Variants in NDST4 observed in about 807,000 individuals in gnomAD.
NDST4 encodes the protein N-heparan sulfate sulfotransferase 4.
NDST4 carries 63 observed loss-of-function variants against 100.8 expected under a neutral mutation model. The observed-to-expected ratio is 0.62, with a 90% confidence interval of 0.51 to 0.77. The LOEUF is 0.77. Among genes scored for constraint, NDST4 ranks in the 30% least tolerant of loss-of-function variants. The probability of loss-of-function intolerance (pLI) is 0.00; values close to 1 mark genes in which losing one functional copy is unlikely to be tolerated. For missense variants in NDST4, 943 were observed against 1,018.4 expected (o/e 0.93, Z 1.01); for synonymous variants, 377 against 361.8 (o/e 1.04, Z -0.48).
At chr4:114,962,735 C>T (rs972251305) in intron 4 of NDST4, among the ~76,000 whole-genome samples, 1 of 152,004 alleles carries the variant, frequency 6.6e-6, no homozygotes, top group Non-Finnish European at 1.5e-5. Context: ...CTGTATTTCC[C>T]AAATTGAGTT....
chr4:115,042,050 C>A (rs561051310), intron 2 of NDST4, among the ~76,000 whole-genome samples: 216 of 152,178 alleles, frequency 1.4e-3, no homozygotes, highest in African/African-American at 2.9e-3. Flanking sequence ...TAGCCCCACC[C>A]TTAATATGGT....
At chr4:114,834,419 C>G (rs951213261) in intron 11 of NDST4, among the ~76,000 whole-genome samples, 2 of 146,720 alleles carry the variant, frequency 1.4e-5, no homozygotes, top group East Asian at 2.0e-4. Context: ...GAGGCTGAGA[C>G]AGGAGCATTG....
At chr4:115,073,148 T>C (rs529985058) in intron 2 of NDST4, among the ~76,000 whole-genome samples, 256 of 152,074 alleles carry the variant, frequency 1.7e-3, no homozygotes, top group African/African-American at 5.8e-3. Flanking sequence ...ATGGCTGTTA[T>C]CAAAAGGACA....
At chr4:114,984,160 A>G (rs1233530870) in intron 2 of NDST4, among the ~76,000 whole-genome samples, 1 of 148,384 alleles carries the variant, frequency 6.7e-6, no homozygotes, top group Non-Finnish European at 1.5e-5. Context: ...TTATTTATTT[A>G]TTTATTTATT....
chr4:115,078,136 G>A (rs1729228737), intron 1 of NDST4, among the ~76,000 whole-genome samples: 1 of 152,106 alleles, frequency 6.6e-6, no homozygotes, highest in African/African-American at 2.4e-5. Flanking sequence ...AAAAACACCT[G>A]AGACTGGAAA....
At chr4:115,044,552 A>C (rs774091758) in intron 2 of NDST4, among the ~76,000 whole-genome samples, 2 of 152,140 alleles carry the variant, frequency 1.3e-5, no homozygotes, top group African/African-American at 2.4e-5. Context: ...ATTCCAGGTC[A>C]TTTATAACTA....
chr4:114,924,114 A>G (rs1458830261), intron 6 of NDST4, among the ~76,000 whole-genome samples: 2 of 152,082 alleles, frequency 1.3e-5, no homozygotes, highest in East Asian at 1.9e-4. Context: ...GGAGGCAAAC[A>G]TATTTTGGTC....
intron 5 of NDST4, among the ~76,000 whole-genome samples, chr4:114,936,486 A>G (rs1298050356): frequency 6.6e-6 from 1 of 152,242 alleles, no homozygotes; most frequent in Non-Finnish European, 1.5e-5. Flanking sequence ...CAGCAATATG[A>G]ATAATGAATT....
intron 2 of NDST4, among the ~76,000 whole-genome samples, chr4:115,054,464 G>T (rs1232104132): frequency 6.6e-6 from 1 of 152,042 alleles, no homozygotes; most frequent in Non-Finnish European, 1.5e-5. Context: ...GATACAATAA[G>T]AAATTTTATG....
chr4:114,909,665 G>A (rs1243477233), intron 6 of NDST4, among the ~76,000 whole-genome samples: 31 of 82,298 alleles, frequency 3.8e-4, no homozygotes, highest in East Asian at 2.5e-3. Flanking sequence ...GCGAGACTCC[G>A]TCTCAAAAAA....
chr4:115,037,604 TTTTC>T (rs2126272564), intron 2 of NDST4, among the ~76,000 whole-genome samples: 2 of 152,222 alleles, frequency 1.3e-5, no homozygotes, highest in East Asian at 3.9e-4. Context: ...GATCAAGGAC[TTTTC>T]TTTATGTATT....
intron 1 of NDST4, among the ~76,000 whole-genome samples, chr4:115,095,899 A>G (rs569330378): frequency 5.3e-5 from 8 of 152,142 alleles, no homozygotes; most frequent in South Asian, 2.1e-4. Context: ...GTGCTATCCA[A>G]TCACAATCTT....
At chr4:115,095,451 A>G (rs1407018128) in intron 1 of NDST4, among the ~76,000 whole-genome samples, 2 of 152,084 alleles carry the variant, frequency 1.3e-5, no homozygotes, top group African/African-American at 2.4e-5. Context: ...TCTCTGGTAT[A>G]TGTTTTCTCT....
In NDST4 at chr4:114,921,468, C is replaced by A. The variant is rs1467635785; in HGVS notation, c.1536+13738G>T. On this transcript the variant is annotated intron_variant, in intron 6 of 13. Coordinates refer to ENST00000264363, the MANE Select transcript of NDST4 (RefSeq NM_022569.3). ...AAGCAAAATTCAAGCTGTAAATAAACCCAGCACTCATGGGCTTCTAATACA... is the reference window on the plus strand; with the variant it reads ...AAGCAAAATTCAAGCTGTAAATAAAACCAGCACTCATGGGCTTCTAATACA... Among the ~76,000 whole-genome samples the A allele has an allele frequency of 3.9e-5, 6 of 152,220 alleles. No individual in the cohort carries two copies. In the South Asian group the frequency reaches 1.0e-3, roughly 26 times the overall value.
chr4:115,030,017 T>C (rs1728081333), intron 2 of NDST4, among the ~76,000 whole-genome samples: 1 of 151,468 alleles, frequency 6.6e-6, no homozygotes, highest in Non-Finnish European at 1.5e-5. Context: ...AGTCAATATA[T>C]TTTACCTTAT....
At chr4:114,921,845 C>T (rs533415324) in intron 6 of NDST4, among the ~76,000 whole-genome samples, 2 of 152,180 alleles carry the variant, frequency 1.3e-5, no homozygotes, top group African/African-American at 4.8e-5. Flanking sequence ...CTTCATTTCC[C>T]CTTTTCCCTG....
At chr4:114,872,582 GAATGTGGCTTT>G (rs1329120692) in intron 6 of NDST4, among the ~76,000 whole-genome samples, 21 of 151,972 alleles carry the variant, frequency 1.4e-4, no homozygotes, top group African/African-American at 4.3e-4. Context: ...GTAGAGAAGA[GAATGTGGCTTT>G]AATGTCTCTA....
In NDST4 at chr4:115,030,936, C is replaced by A. The variant is rs531837644; in HGVS notation, c.978+45123G>T. 2.6e-5 allele frequency among the ~76,000 whole-genome samples: 4 copies of A among 152,070 alleles called. No individual in the cohort carries two copies. In the East Asian group the frequency reaches 7.8e-4, roughly 29 times the overall value. On this transcript the variant is annotated intron_variant, in intron 2 of 13. Coordinates refer to ENST00000264363, the MANE Select transcript of NDST4 (RefSeq NM_022569.3). ...ACACCTCAAAATCTTAATATCACAC[C>A]CTGTAAACAACTGTAGCCAATATAA...
intron 1 of NDST4, among the ~76,000 whole-genome samples, chr4:115,087,214 A>G (rs1172834902): frequency 6.6e-6 from 1 of 152,000 alleles, no homozygotes; most frequent in Non-Finnish European, 1.5e-5. Context: ...TTTGGAGGTA[A>G]TATTTACAAT....
Sources: allele counts gnomAD v4.1 joint callset (sites outside exome capture counted in the v4.1 genomes callset), GRCh38; gene constraint gnomAD v4.1.1; transcripts MANE v1.5; gene names NCBI Gene and HGNC (gene_info 2026-07-23, HGNC 2026-07-21).